Variants in SLC16A12 observed in about 807,000 individuals in gnomAD.
SLC16A12 encodes monocarboxylate transporter 12.
In SLC16A12, 17 loss-of-function variants were observed where a neutral mutation model predicts 42.4. That is an observed-to-expected ratio of 0.40 (90% CI 0.27 to 0.60). The LOEUF is 0.60. SLC16A12 is among the 20% of genes least tolerant of loss of function. The pLI is 0.42. For missense variants in SLC16A12, 544 were observed against 623.0 expected, an observed-to-expected ratio of 0.87 and a Z score of 1.35; for synonymous variants, 224 against 229.4, an observed-to-expected ratio of 0.98 and a Z score of 0.21.
At chr10:89,543,229 C>A (rs1017157773) in intron 2 of SLC16A12, among the ~76,000 whole-genome samples, 1 of 152,160 alleles carries the variant, frequency 6.6e-6, no homozygotes, top group Admixed American at 6.5e-5. Flanking sequence ...ACTGGATAAT[C>A]TTTTTGACTT....
chr10:89,463,252 G>T (rs542307102), intron 2 of SLC16A12, among the ~76,000 whole-genome samples: 1 of 152,042 alleles, frequency 6.6e-6, no homozygotes, highest in Non-Finnish European at 1.5e-5. Flanking sequence ...ATTATTATAC[G>T]GAATGAGTCT....
intron 2 of SLC16A12, among the ~76,000 whole-genome samples, chr10:89,479,061 C>A (rs1157205796): frequency 6.6e-6 from 1 of 152,194 alleles, no homozygotes; most frequent in Non-Finnish European, 1.5e-5. Flanking sequence ...ACTTCTCTGC[C>A]ACTTACTAAT....
In SLC16A12 at chr10:89,520,575, C is replaced by T. The variant is rs145776527; in HGVS notation, c.-47+13926G>A. On this transcript the variant is annotated intron_variant, in intron 2 of 7. Transcript: ENST00000371790. Reference sequence around the variant, plus strand: ...AAAAGAACAGTAGAAACAAAAGCATCGAGTGTTTTAAAAGCACACGTACAC... The same window carrying T: ...AAAAGAACAGTAGAAACAAAAGCATTGAGTGTTTTAAAAGCACACGTACAC... 3.4e-3 allele frequency among the ~76,000 whole-genome samples: 517 copies of T among 152,184 alleles called. 1 individual carries two copies. The highest frequency in any genetic ancestry group is 0.012 in the African/African-American group (478 of 41,510).
rs1481019069 is a variant in SLC16A12, at chr10:89,433,134, A to C, written c.1481T>G (p.Val494Gly). The C allele has an allele frequency of 1.9e-6, 3 of 1,614,106 alleles. No individual in the cohort carries two copies. The Admixed American group carries it at 5.0e-5, about 27-fold the overall frequency. Residue 494 changes from valine to glycine, a missense_variant, in exon 8 of 8, where the codon GTG becomes GGG. Physicochemically the swap from Val to Gly is moderately radical, Grantham distance 109. Transcript: ENST00000371790. ...ATGTTTCTGATCTAATTCTCTTGCC[A>C]CAGAATAAGCCACTGATCCATTGGT... ...LWTNGSVAYS[V>G]ARELDQKHGE... is the part of the protein sequence containing the mutation.
At chr10:89,506,847 G>A (rs1021688854) in intron 2 of SLC16A12, among the ~76,000 whole-genome samples, 1 of 152,094 alleles carries the variant, frequency 6.6e-6, no homozygotes, top group African/African-American at 2.4e-5. Context: ...TGGACGAATT[G>A]CTAACTAGAA....
At chr10:89,533,778 C>A (rs1843598330) in intron 2 of SLC16A12, among the ~76,000 whole-genome samples, 1 of 151,138 alleles carries the variant, frequency 6.6e-6, no homozygotes, top group Admixed American at 6.6e-5. Context: ...AAAAATTGTG[C>A]CACAAAAGCA....
At chr10:89,477,425 G>A (rs531440422) in intron 2 of SLC16A12, among the ~76,000 whole-genome samples, 9 of 151,988 alleles carry the variant, frequency 5.9e-5, no homozygotes, top group African/African-American at 1.5e-4. Flanking sequence ...TTAGCTGGGC[G>A]TGGTGGTGCA....
chr10:89,436,745 C>T (rs540483928), intron 6 of SLC16A12, among the ~76,000 whole-genome samples: 3 of 139,504 alleles, frequency 2.2e-5, no homozygotes, highest in Non-Finnish European at 4.6e-5. Context: ...TTGGGCCACA[C>T]ATAAAATAAA....
chr10:89,529,868 C>T (rs1843515599), intron 2 of SLC16A12, among the ~76,000 whole-genome samples: 1 of 152,030 alleles, frequency 6.6e-6, no homozygotes, highest in Non-Finnish European at 1.5e-5. Flanking sequence ...TCTTAAGTGA[C>T]TAATGCTATA....
rs545497129 is a variant in SLC16A12 at position 89,438,771 on chromosome 10, G to C, written c.861C>G (p.Ala287=). Residue 287 remains alanine, a synonymous_variant, in exon 6 of 8, where the codon GCC becomes GCG. Coordinates refer to ENST00000371790, the MANE Select transcript of SLC16A12 (RefSeq NM_213606.4). ...FLLMSDFVVL[A]VSVLFMAYGC... is the part of the protein sequence containing the mutation. ...CATAAGCCATAAACAGAACGGAGAC[G>C]GCTAACACAACAAAGTCTGACATGA... 2 of 1,614,042 alleles carry C rather than the reference G, an allele frequency of 1.2e-6. No individual in the cohort carries two copies. Among genetic ancestry groups the C allele is most frequent in the Non-Finnish European group, 1.7e-6 (2 of 1,180,052 alleles).
At position 89,524,314 on chromosome 10, in the gene SLC16A12, C is replaced by G. The variant is rs117694349; in HGVS notation, c.-47+10187G>C. Among the ~76,000 whole-genome samples, 4 of 152,244 alleles carry G rather than the reference C, an allele frequency of 2.6e-5. No homozygotes were observed. In the East Asian group the frequency reaches 7.7e-4, roughly 29 times the overall value. ...TCCCACCCACTCCCTTGTTCAAAAA[C>G]TCAAAGAAAAATCAAAACCCCTTGG... On this transcript the variant is annotated intron_variant, in intron 2 of 7. Coordinates refer to ENST00000371790, the MANE Select transcript of SLC16A12 (RefSeq NM_213606.4).
rs1412697860 is a variant in SLC16A12 at position 89,430,636 on chromosome 10, C to A, written c.*2428G>T. On this transcript the variant is annotated 3_prime_UTR_variant, in exon 8 of 8. Coordinates refer to ENST00000371790, the MANE Select transcript of SLC16A12 (RefSeq NM_213606.4). ...CTGTGTAGAAATGTAAAATAGTAGA[C>A]CTTAAGATGTACATTTTTCTTACTG... The A allele has an allele frequency of 2.1e-6, 1 of 467,200 alleles. No individual in the cohort carries two copies. The highest frequency in any genetic ancestry group is 2.4e-5 in the Admixed American group (1 of 41,454). 28.9% of individuals were successfully genotyped at this position (467,200 alleles called of 1,614,324 possible). A position where few individuals can be genotyped will look rare whatever the true frequency, so the allele number is the denominator to read the frequency against.
At chr10:89,494,207 G>A (rs117896911) in intron 2 of SLC16A12, among the ~76,000 whole-genome samples, 1,893 of 152,288 alleles carry the variant, frequency 0.012, 14 homozygotes, top group Non-Finnish European at 0.019. Context: ...AAAAGGACAC[G>A]TAGCTAGTTC....
At chr10:89,449,709 A>G (rs1023282660) in intron 3 of SLC16A12, among the ~76,000 whole-genome samples, 6 of 152,244 alleles carry the variant, frequency 3.9e-5, no homozygotes, top group Non-Finnish European at 5.9e-5. Flanking sequence ...CAAGGACTTC[A>G]TGACTAAAAC....
chr10:89,542,405 T>G (rs1047087765), intron 2 of SLC16A12, among the ~76,000 whole-genome samples: 19 of 151,166 alleles, frequency 1.3e-4, no homozygotes, highest in Non-Finnish European at 4.4e-5. Context: ...TGGACTCAAG[T>G]GATTCTTGTG....
At chr10:89,519,370 A>G (rs1478936913) in intron 2 of SLC16A12, among the ~76,000 whole-genome samples, 2 of 152,130 alleles carry the variant, frequency 1.3e-5, no homozygotes, top group African/African-American at 2.4e-5. Context: ...ACCTAAAACA[A>G]AAGTTGAGAG....
intron 7 of SLC16A12, among the ~76,000 whole-genome samples, chr10:89,435,030 A>C (rs1841756012): frequency 1.3e-5 from 2 of 152,242 alleles, no homozygotes. Context: ...TACACATGCA[A>C]TATGTATTTG....
intron 3 of SLC16A12, among the ~76,000 whole-genome samples, chr10:89,448,742 GGAC>G (rs1194206196): frequency 6.6e-6 from 1 of 152,142 alleles, no homozygotes; most frequent in African/African-American, 2.4e-5. Context: ...ACATAGTGTT[GGAC>G]GTTCTGGCCA....
intron 1 of SLC16A12, among the ~76,000 whole-genome samples, 162 bp downstream of exon 1, chr10:89,535,280 C>A (rs1589734298): frequency 6.6e-6 from 1 of 152,174 alleles, no homozygotes; most frequent in East Asian, 1.9e-4. Context: ...CCCTCCCAAC[C>A]CAAGCTGCGC....
Sources: gnomAD v4.1 joint callset for allele counts (sites outside exome capture counted in the v4.1 genomes callset) on GRCh38, gnomAD v4.1.1 for gene constraint, MANE v1.5 for transcripts, NCBI Gene and HGNC (gene_info 2026-07-23, HGNC 2026-07-21) for gene names.